CDH12: variants seen among roughly 807,000 people sequenced by gnomAD.
The protein encoded by CDH12 is cadherin 12.
CDH12 carries 41 observed loss-of-function variants against 74.1 expected under a neutral mutation model. The observed-to-expected ratio is 0.55, with a 90% CI of 0.43 to 0.72. CDH12 has a LOEUF of 0.72. CDH12 is among the 30% of genes least tolerant of loss of function. The pLI is 0.00. For synonymous variants in CDH12, 399 were observed against 355.0 expected (o/e 1.12, Z -1.39); for missense variants, 945 against 977.2 (o/e 0.97, Z 0.44).
chr5:22,252,510 T>C (rs1753170374), intron 3 of CDH12, among the ~76,000 whole-genome samples: 1 of 152,082 alleles, frequency 6.6e-6, no homozygotes, highest in African/African-American at 2.4e-5. Flanking sequence ...TATGGCATCG[T>C]TAACCATCCA....
At chr5:21,867,744 T>C (rs1391057924) in intron 6 of CDH12, among the ~76,000 whole-genome samples, 1 of 152,226 alleles carries the variant, frequency 6.6e-6, no homozygotes, top group Non-Finnish European at 1.5e-5. Context: ...TTGTCTCAGA[T>C]GATACTTTGG....
chr5:22,339,502 T>C (rs1196411703), intron 3 of CDH12, among the ~76,000 whole-genome samples: 1 of 152,206 alleles, frequency 6.6e-6, no homozygotes, highest in Non-Finnish European at 1.5e-5. Flanking sequence ...AGAAAATTAA[T>C]TGAATTAATT....
At position 22,754,548 on chromosome 5, in the gene CDH12, G is replaced by A. The variant is rs575957216; in HGVS notation, c.-523+98510C>T. On this transcript the variant is annotated intron_variant, in intron 1 of 14. Transcript: ENST00000382254. ...AAATCATCAAGGAAAGCAGGAGAGAGGGAAGGAAGTGGAAAGCAGACAAAA... is the reference window on the plus strand; with the variant it reads ...AAATCATCAAGGAAAGCAGGAGAGAAGGAAGGAAGTGGAAAGCAGACAAAA... Among the ~76,000 whole-genome samples the A allele has an allele frequency of 2.9e-5, 4 of 138,338 alleles. 1 individual carries two copies. In the South Asian group the frequency reaches 1.0e-3, roughly 35 times the overall value. The allele number at this position is 138,338 out of a possible 152,430, so 90.8% of individuals were successfully genotyped here.
In CDH12 at chr5:22,774,053, T is replaced by C. The variant is rs6883145; in HGVS notation, c.-523+79005A>G. Among the ~76,000 whole-genome samples, 1,496 of 152,256 alleles carry C rather than the reference T, an allele frequency of 9.8e-3. 28 individuals carry two copies. Among genetic ancestry groups the C allele is most frequent in the African/African-American group, 0.034 (1,420 of 41,566 alleles). ...TGGGAATGTAAATTAGTTCAGCCCC[T>C]GTGAAAAGCAGTTTGGAGATTTCTC... On this transcript the variant is annotated intron_variant, in intron 1 of 14. Coordinates refer to ENST00000382254, the MANE Select transcript of CDH12 (RefSeq NM_004061.5).
In CDH12 at chr5:22,222,659, AT is replaced by A. The variant is rs1752059533; in HGVS notation, c.-332-10017del. Among the ~76,000 whole-genome samples, 6 of 151,962 alleles carry A rather than the reference AT, an allele frequency of 3.9e-5. No individual in the cohort carries two copies. In the South Asian group the frequency reaches 1.2e-3, roughly 31 times the overall value. On this transcript the variant is annotated intron_variant, in intron 3 of 14. Transcript: ENST00000382254. Reference sequence around the variant, plus strand: ...TTCTTGACAAAATTAATATTTCATAATTTATATCTTCATTTATAATTAAAGC... The same window carrying A: ...TTCTTGACAAAATTAATATTTCATAATTATATCTTCATTTATAATTAAAGC...
At chr5:22,463,754 T>C (rs1745613991) in intron 2 of CDH12, among the ~76,000 whole-genome samples, 1 of 152,284 alleles carries the variant, frequency 6.6e-6, no homozygotes. Flanking sequence ...CAGAAAATGT[T>C]ATTTATCCCC....
intron 6 of CDH12, among the ~76,000 whole-genome samples, chr5:21,938,147 C>G (rs1185420657): frequency 1.3e-5 from 2 of 151,448 alleles, no homozygotes; most frequent in Non-Finnish European, 2.9e-5. Flanking sequence ...TGTTAATGTC[C>G]TTTTGTCTTG....
intron 3 of CDH12, among the ~76,000 whole-genome samples, chr5:22,383,745 T>C (rs1319347019): frequency 6.6e-6 from 1 of 152,168 alleles, no homozygotes; most frequent in African/African-American, 2.4e-5. Flanking sequence ...CACTAGTTAC[T>C]TTGGGGAACT....
At chr5:22,763,097 G>T (rs367949681) in intron 1 of CDH12, among the ~76,000 whole-genome samples, 1 of 151,914 alleles carries the variant, frequency 6.6e-6, no homozygotes, top group Non-Finnish European at 1.5e-5. Context: ...TTTTTGAAGA[G>T]GTGTTGTTTT....
At chr5:21,762,874 CTTTTTT>C (rs10561731) in intron 12 of CDH12, among the ~76,000 whole-genome samples, 2 of 128,520 alleles carry the variant, frequency 1.6e-5, no homozygotes. Context: ...AAAGAACTGG[CTTTTTT>C]TTTTTTTTTT....
At chr5:22,413,239 C>G (rs953208705) in intron 2 of CDH12, among the ~76,000 whole-genome samples, 1 of 151,888 alleles carries the variant, frequency 6.6e-6, no homozygotes, top group African/African-American at 2.4e-5. Flanking sequence ...GAAAGACCAT[C>G]TCCCAGGGAA....
chr5:22,188,465 C>CAG (rs963003111), intron 4 of CDH12, among the ~76,000 whole-genome samples: 13 of 151,896 alleles, frequency 8.6e-5, no homozygotes, highest in African/African-American at 2.2e-4. Flanking sequence ...ACAAAACAGA[C>CAG]AGAGAGAGAG....
At chr5:22,554,048 T>C (rs567232612) in intron 1 of CDH12, among the ~76,000 whole-genome samples, 3 of 152,126 alleles carry the variant, frequency 2.0e-5, no homozygotes, top group Non-Finnish European at 4.4e-5. Flanking sequence ...AAATCAGTGA[T>C]TGAAGATGAC....
intron 2 of CDH12, among the ~76,000 whole-genome samples, chr5:22,425,172 A>ATAAATATAT (rs1554039892): frequency 2.0e-4 from 17 of 83,488 alleles, no homozygotes; most frequent in African/African-American, 7.5e-4. Flanking sequence ...TATATATATA[A>ATAAATATAT]ATATATATAT....
intron 4 of CDH12, among the ~76,000 whole-genome samples, chr5:22,116,538 G>C (rs1028553138): frequency 3.3e-5 from 5 of 152,004 alleles, no homozygotes; most frequent in African/African-American, 9.7e-5. Context: ...CTGGGAGATG[G>C]AGCTTGCAGT....
chr5:22,318,815 A>G (rs1376957464), intron 3 of CDH12, among the ~76,000 whole-genome samples: 2 of 152,188 alleles, frequency 1.3e-5, no homozygotes, highest in Non-Finnish European at 2.9e-5. Flanking sequence ...GACTATTTTA[A>G]TCATTTACAT....
At chr5:22,104,142 C>T (rs1207923028) in intron 4 of CDH12, among the ~76,000 whole-genome samples, 1 of 152,030 alleles carries the variant, frequency 6.6e-6, no homozygotes, top group African/African-American at 2.4e-5. Context: ...GTAACAGAAA[C>T]CTTGAAAGTA....
chr5:22,700,392 C>G (rs1029896687), intron 1 of CDH12, among the ~76,000 whole-genome samples: 4 of 152,180 alleles, frequency 2.6e-5, no homozygotes, highest in Admixed American at 2.6e-4. Flanking sequence ...ATCTTCCCCT[C>G]ACCACATGGG....
intron 2 of CDH12, among the ~76,000 whole-genome samples, chr5:22,418,535 G>A (rs916671940): frequency 2.6e-5 from 4 of 152,120 alleles, no homozygotes; most frequent in African/African-American, 4.8e-5. Flanking sequence ...GTTTTCAAAG[G>A]GAATGCTTCC....
Sources: allele counts gnomAD v4.1 joint callset (sites outside exome capture counted in the v4.1 genomes callset), GRCh38; gene constraint gnomAD v4.1.1; transcripts MANE v1.5; gene names NCBI Gene and HGNC (gene_info 2026-07-23, HGNC 2026-07-21).